The following DUSP4 variants were observed in gnomAD, a reference collection of about 807,000 sequenced individuals.
The protein encoded by DUSP4 is dual specificity phosphatase 4, also known as dual specificity protein phosphatase 4.
In DUSP4, 12 loss-of-function variants were observed where a neutral mutation model predicts 27.2. That is an observed-to-expected ratio of 0.44 (90% confidence interval 0.28 to 0.71). The LOEUF is 0.71. Ranked by LOEUF, DUSP4 falls within the 30% of genes least tolerant of loss-of-function variation. The pLI, the probability that DUSP4 is intolerant of heterozygous loss-of-function variation, is 0.14. For missense variants in DUSP4, 448 were observed against 551.3 expected, an observed-to-expected ratio of 0.81 and a Z score of 1.88; for synonymous variants, 257 against 245.2, an observed-to-expected ratio of 1.05 and a Z score of -0.45.
chr8:29,350,027 C>A lies in DUSP4; in HGVS notation c.252G>T (p.Glu84Asp). Reference protein sequence around the residue: ...RRRAKGSVSLEQILPAEEEVR... With the variant: ...RRRAKGSVSLDQILPAEEEVR... ...CCTCCTCCTCGGCGGGCAGGATCTG[C>A]TCCAGGCTCACGGAGCCCTTAGCCC... The change falls in exon 1 of 4, where the codon GAG becomes GAT. Residue 84 changes from glutamate to aspartate, a missense_variant. Glu to Asp is a conservative substitution (Grantham distance 45). Coordinates refer to ENST00000240100, the MANE Select transcript of DUSP4 (RefSeq NM_001394.7). The A allele has an allele frequency of 6.3e-7, 1 of 1,595,354 alleles. No individual in the cohort carries two copies. The highest frequency in any genetic ancestry group is 8.5e-7 in the Non-Finnish European group (1 of 1,172,820).
rs1258129819 is a variant in DUSP4, at chr8:29,338,463, G to A, written c.618C>T (p.Gly206=). The A allele has an allele frequency of 1.9e-6, 3 of 1,614,034 alleles. No homozygotes were observed. Among genetic ancestry groups the A allele is most frequent in the African/African-American group, 1.3e-5 (1 of 75,058 alleles). Residue 206 remains glycine, a synonymous_variant, in exon 3 of 4, where the codon GGC becomes GGT. Coordinates refer to ENST00000240100, the MANE Select transcript of DUSP4 (RefSeq NM_001394.7). ...PVEILPFLYL[G]SAYHAARRDM... Reference sequence around the variant, plus strand: ...CTCTCCGGGCAGCATGGTAGGCACTGCCGAGGTAGAGGAAGGGAAGGATCT... The same window carrying A: ...CTCTCCGGGCAGCATGGTAGGCACTACCGAGGTAGAGGAAGGGAAGGATCT...
Position 29,337,432 on chromosome 8 carries a change from G to A in DUSP4, c.800-21C>T, listed in dbSNP as rs1817594962. ...GGCATCTGGGGACAGGGTTCAATAG[G>A]TTAGTGCACGTTTCTGCAGACCCCA... On this transcript the variant is annotated intron_variant, in intron 3 of 3. Transcript: ENST00000240100. This position sits in a 1 kb window ranked among gnomAD's most constrained non-coding sequence, Gnocchi z 6.4. The A allele has an allele frequency of 1.3e-6, 2 of 1,575,056 alleles. No homozygotes were observed. Among genetic ancestry groups the A allele is most frequent in the East Asian group, 2.2e-5 (1 of 44,630 alleles).
rs576877318 is a variant in DUSP4 at position 29,337,426 on chromosome 8, C to T, written c.800-15G>A. On this transcript the variant is annotated splice_polypyrimidine_tract_variant and intron_variant, in intron 3 of 3. Coordinates refer to ENST00000240100, the MANE Select transcript of DUSP4 (RefSeq NM_001394.7). The surrounding 1 kb of genome is among the most constrained non-coding windows in gnomAD (Gnocchi z 6.4). ...CTTCACGGCATCTGGGGACAGGGTT[C>T]AATAGGTTAGTGCACGTTTCTGCAG... The T allele has an allele frequency of 1.3e-4, 206 of 1,589,092 alleles. 1 individual carries two copies. In the South Asian group the frequency reaches 2.3e-3, roughly 18 times the overall value.
At chr8:29,343,326 C>G (rs889493903) in intron 1 of DUSP4, among the ~76,000 whole-genome samples, 2 of 152,056 alleles carry the variant, frequency 1.3e-5, no homozygotes, top group Non-Finnish European at 2.9e-5. Context: ...TTTGGTGGGC[C>G]CTGGGCTGCA....
In DUSP4 at chr8:29,335,986, C is replaced by T. The variant is rs1346935611; in HGVS notation, c.*1040G>A. On this transcript the variant is annotated 3_prime_UTR_variant, in exon 4 of 4. Transcript: ENST00000240100. Reference sequence around the variant, plus strand: ...TTCACATTGGTCATGATGACACACACCTGCAGTCCCAGCTACTCAGGAGGC... The same window carrying T: ...TTCACATTGGTCATGATGACACACATCTGCAGTCCCAGCTACTCAGGAGGC... The T allele has an allele frequency of 6.6e-6, 1 of 152,246 alleles. No individual in the cohort carries two copies. Among genetic ancestry groups the T allele is most frequent in the Non-Finnish European group, 1.5e-5 (1 of 68,052 alleles). The allele number at this position is 152,246 out of a possible 1,614,324, so 9.4% of individuals were successfully genotyped here.
chr8:29,347,956 C>T (rs56072416), intron 1 of DUSP4: 145,612 of 985,374 alleles, frequency 0.15, 13,030 homozygotes, highest in African/African-American at 0.4. Context: ...AAAAAATAAT[C>T]CCTCTCTCCC....
At position 29,336,092 on chromosome 8, in the gene DUSP4, T is replaced by TC. The variant is rs1817568611; in HGVS notation, c.*933dup. On this transcript the variant is annotated 3_prime_UTR_variant, in exon 4 of 4. Transcript: ENST00000240100. The stretch of plus-strand genomic sequence containing the variant: ...TGAGATGCTGTCTTTTTTTTTCTTT[T>TC]CTTTTTTTTTAAAAAAGCAATTCAA... 1 of 152,058 alleles carries TC rather than the reference T, an allele frequency of 6.6e-6. No homozygotes were observed. The highest frequency in any genetic ancestry group is 1.5e-5 in the Non-Finnish European group (1 of 68,014). 9.4% of individuals were successfully genotyped at this position (152,058 alleles called of 1,614,324 possible).
chr8:29,348,917 C>T, intron 1 of DUSP4: 1 of 389,448 alleles, frequency 2.6e-6, no homozygotes, highest in Non-Finnish European at 3.5e-6. Flanking sequence ...CGCGCCCTGC[C>T]CGCTCCCTAG....
chr8:29,337,091 C>T lies in DUSP4; in HGVS notation c.1120G>A (p.Val374Met), dbSNP rs552819707. Reference protein sequence around the residue: ...FVFSFPVSVGVHSAPSSLPYL... With the variant: ...FVFSFPVSVGMHSAPSSLPYL... ...GGCAGGCTGCTGGGGGCCGAGTGCA[C>T]GCCCACGGAGACCGGAAAGCTGAAG... is the stretch of plus-strand genomic sequence containing the variant. The change falls in exon 4 of 4, where the codon GTG becomes ATG. Residue 374 changes from valine (V) to methionine (M), a missense_variant. Coordinates refer to ENST00000240100, the MANE Select transcript of DUSP4 (RefSeq NM_001394.7). This position sits in a 1 kb window ranked among gnomAD's most constrained non-coding sequence, Gnocchi z 6.4. 2.3e-5 allele frequency: 37 copies of T among 1,608,928 alleles called. No homozygotes were observed. Among genetic ancestry groups the T allele is most frequent in the East Asian group, 1.1e-4 (5 of 44,694 alleles).
In DUSP4 at chr8:29,349,999, G is replaced by A. The variant is rs967738306; in HGVS notation, c.280C>T (p.Arg94Cys). The A allele has an allele frequency of 7.5e-6, 12 of 1,595,412 alleles. No homozygotes were observed. Among genetic ancestry groups the A allele is most frequent in the Non-Finnish European group, 1.0e-5 (12 of 1,173,018 alleles). The stretch of plus-strand genomic sequence containing the variant: ...TAGAGGCCGGAGCGCAAGCGGGCGC[G>A]TACCTCCTCCTCGGCGGGCAGGATC... ...EQILPAEEEV[R>C]ARLRSGLYSA... The change falls in exon 1 of 4, where the codon CGC (arginine) becomes TGC (cysteine). Residue 94 changes from arginine (R) to cysteine (C), a missense_variant. Physicochemically the swap from Arg to Cys is radical, Grantham distance 180 (BLOSUM62 -3). Coordinates refer to ENST00000240100, the MANE Select transcript of DUSP4 (RefSeq NM_001394.7).
At chr8:29,342,882 G>A (rs1817674488) in intron 1 of DUSP4, among the ~76,000 whole-genome samples, 1 of 152,160 alleles carries the variant, frequency 6.6e-6, no homozygotes, top group Non-Finnish European at 1.5e-5. Flanking sequence ...AAATGAACAA[G>A]GTGAGCTGGG....
intron 3 of DUSP4, 122 bp downstream of exon 3, chr8:29,338,160 G>C (rs1817605117): frequency 1.0e-6 from 1 of 981,996 alleles, no homozygotes. Flanking sequence ...ATGAGGAAGA[G>C]GGGGAATGGG....
chr8:29,337,492 C>G lies in DUSP4; in HGVS notation c.800-81G>C. ...AGGGGCACCGGCCAGCCCCTGGGGT[C>G]GGGGGGCTCTGAAGGAAGGACTAGC... is the stretch of plus-strand genomic sequence containing the variant. On this transcript the variant is annotated intron_variant, in intron 3 of 3. Coordinates refer to ENST00000240100, the MANE Select transcript of DUSP4 (RefSeq NM_001394.7). The surrounding 1 kb of genome is among the most constrained non-coding windows in gnomAD (Gnocchi z 6.4). 1 of 1,505,430 alleles carries G rather than the reference C, an allele frequency of 6.6e-7. No individual in the cohort carries two copies. 93.3% of individuals were successfully genotyped at this position (1,505,430 alleles called of 1,614,324 possible).
chr8:29,340,383 G>C, intron 1 of DUSP4, 140 bp from the exon 2 acceptor site: 4 of 1,091,450 alleles, frequency 3.7e-6, no homozygotes, highest in Non-Finnish European at 5.1e-6. Context: ...AGGTGGCGCT[G>C]TGGACCTAGA....
At chr8:29,345,849 A>G (rs1175579413) in intron 1 of DUSP4, 98 of 1,061,464 alleles carry the variant, frequency 9.2e-5, no homozygotes, top group Non-Finnish European at 1.1e-4. Context: ...AGTTTGCTTC[A>G]TTGTAAAAAA....
chr8:29,334,832 C>T lies in DUSP4; in HGVS notation c.*2194G>A, dbSNP rs1817546048. ...CATGCTTCACCCTGAACTGTTATTTCTAGAGGAAGCAGGGAGCCTCTGGCT... is the reference window on the plus strand; with the variant it reads ...CATGCTTCACCCTGAACTGTTATTTTTAGAGGAAGCAGGGAGCCTCTGGCT... On this transcript the variant is annotated 3_prime_UTR_variant, in exon 4 of 4. Coordinates refer to ENST00000240100, the MANE Select transcript of DUSP4 (RefSeq NM_001394.7). The T allele has an allele frequency of 6.6e-6, 1 of 152,184 alleles. No homozygotes were observed. Among genetic ancestry groups the T allele is most frequent in the South Asian group, 2.1e-4 (1 of 4,832 alleles). The allele number at this position is 152,184 out of a possible 1,614,324, so 9.4% of individuals were successfully genotyped here. A position where few individuals can be genotyped will look rare whatever the true frequency, so the allele number is the denominator to read the frequency against.
rs575716550 is a variant in DUSP4 at position 29,337,916 on chromosome 8, A to G, written c.799+366T>C. Reference sequence around the variant, plus strand: ...CAGTGAGCTGAGATGGCGCCACTGCACTCCAGCCTGGGCAACAGAGCAAGG... The same window carrying G: ...CAGTGAGCTGAGATGGCGCCACTGCGCTCCAGCCTGGGCAACAGAGCAAGG... On this transcript the variant is annotated intron_variant, in intron 3 of 3. Transcript: ENST00000240100. This position sits in a 1 kb window ranked among gnomAD's most constrained non-coding sequence, Gnocchi z 6.4. Among the ~76,000 whole-genome samples the G allele has an allele frequency of 1.3e-5, 2 of 152,128 alleles. No homozygotes were observed. The highest frequency in any genetic ancestry group is 4.8e-5 in the African/African-American group (2 of 41,422).
chr8:29,338,099 C>A (rs1817604349), intron 3 of DUSP4, among the ~76,000 whole-genome samples, 183 bp downstream of exon 3: 1 of 152,130 alleles, frequency 6.6e-6, no homozygotes, highest in Non-Finnish European at 1.5e-5. Flanking sequence ...GTGTGTAGGT[C>A]CATCTTCCCT....
At chr8:29,345,738 G>C (rs113849614) in intron 1 of DUSP4, 1 of 1,331,394 alleles carries the variant, frequency 7.5e-7, no homozygotes. Flanking sequence ...AAGTTGTGAC[G>C]GTCTAAAGGG....
Sources: allele counts gnomAD v4.1 joint callset (sites outside exome capture counted in the v4.1 genomes callset), GRCh38; gene constraint gnomAD v4.1.1; non-coding constraint Gnocchi (gnomAD v3.1); transcripts MANE v1.5; gene names NCBI Gene and HGNC (gene_info 2026-07-23, HGNC 2026-07-21).